The following CCDC191 variants were observed in gnomAD, a reference collection of about 807,000 sequenced individuals.
CCDC191 encodes coiled-coil domain-containing protein 191.
CCDC191 carries 99 observed loss-of-function variants against 114.0 expected under a neutral mutation model. The ratio of observed to expected loss-of-function variants is 0.87; its 90% CI spans 0.74 to 1.03. The LOEUF (loss-of-function observed/expected upper bound fraction) is 1.03. Ranked by LOEUF, CCDC191 falls within the 50% of genes least tolerant of loss-of-function variation. The pLI, the probability that CCDC191 is intolerant of heterozygous loss-of-function variation, is 0.00. For synonymous variants in CCDC191, 351 were observed against 376.0 expected, an observed-to-expected ratio of 0.93 and a Z score of 0.77; for missense variants, 973 against 1,087.0, an observed-to-expected ratio of 0.90 and a Z score of 1.47.
At chr3:114,018,896 C>T in intron 7 of CCDC191, 28 bp from the exon 8 acceptor site, 2 of 1,603,884 alleles carry the variant, frequency 1.2e-6, no homozygotes, top group Non-Finnish European at 1.7e-6. Flanking sequence ...GGAAAATCAC[C>T]ACCCATCAGC....
intron 7 of CCDC191, among the ~76,000 whole-genome samples, chr3:114,026,186 C>T (rs2076318319): frequency 1.3e-5 from 2 of 152,196 alleles, no homozygotes; most frequent in South Asian, 4.1e-4. Flanking sequence ...ATGCAAAACA[C>T]TAGCACAATA....
intron 4 of CCDC191, 96 bp downstream of exon 4, chr3:114,042,607 C>A: frequency 9.6e-6 from 10 of 1,044,250 alleles, no homozygotes; most frequent in South Asian, 4.9e-5. Context: ...ACACAGAAAA[C>A]TTAAATATGT....
intron 2 of CCDC191, among the ~76,000 whole-genome samples, chr3:114,051,657 G>A (rs781198177): frequency 3.9e-5 from 6 of 152,134 alleles, no homozygotes; most frequent in Non-Finnish European, 8.8e-5. Context: ...TCTGAAGAGA[G>A]GCCTTTCTCA....
At chr3:114,011,148 A>G (rs1257532311) in intron 8 of CCDC191, 127 bp from the exon 9 acceptor site, 1 of 1,041,918 alleles carries the variant, frequency 9.6e-7, no homozygotes, top group African/African-American at 1.6e-5. Context: ...TTAACATTTT[A>G]TATTAAGCTA....
intron 11 of CCDC191, chr3:114,004,308 TACTC>T (rs2075906513): frequency 3.0e-6 from 3 of 1,001,386 alleles, no homozygotes; most frequent in Non-Finnish European, 2.4e-6. Flanking sequence ...CCTTGGCAGT[TACTC>T]AGAGTTTTCT....
intron 3 of CCDC191, among the ~76,000 whole-genome samples, chr3:114,043,120 T>C (rs1487505492): frequency 6.6e-6 from 1 of 151,490 alleles, no homozygotes; most frequent in Non-Finnish European, 1.5e-5. Context: ...AATTGGGAGG[T>C]AAAAGAAAGC....
chr3:114,014,909 A>G (rs2076133738), intron 8 of CCDC191, among the ~76,000 whole-genome samples: 2 of 152,180 alleles, frequency 1.3e-5, no homozygotes, highest in South Asian at 4.1e-4. Flanking sequence ...AATAATGTTT[A>G]ATATTTTTGT....
intron 13 of CCDC191, among the ~76,000 whole-genome samples, chr3:113,993,721 C>G (rs1003440150): frequency 2.0e-5 from 3 of 151,678 alleles, no homozygotes; most frequent in African/African-American, 7.3e-5. Context: ...CACGTCTCTA[C>G]TAAAAATACA....
intron 4 of CCDC191, among the ~76,000 whole-genome samples, chr3:114,041,770 C>T (rs16861472): frequency 0.024 from 3,718 of 152,258 alleles, 73 homozygotes; most frequent in African/African-American, 0.06. Context: ...AGCTGCCCCA[C>T]TGTTACCATG....
At chr3:113,970,966 A>G (rs577011250) in intron 16 of CCDC191, among the ~76,000 whole-genome samples, 40 of 152,216 alleles carry the variant, frequency 2.6e-4, no homozygotes, top group African/African-American at 8.7e-4. Flanking sequence ...CCAGTCTATC[A>G]TTGTTGGACA....
chr3:114,042,953 A>G, intron 3 of CCDC191, 107 bp from the exon 4 acceptor site: 2 of 1,064,088 alleles, frequency 1.9e-6, no homozygotes, highest in South Asian at 3.1e-5. Flanking sequence ...TATCGTGTCA[A>G]GTACTGTTCT....
intron 13 of CCDC191, among the ~76,000 whole-genome samples, chr3:113,997,623 C>T (rs1411035839): frequency 6.6e-6 from 1 of 152,088 alleles, no homozygotes; most frequent in South Asian, 2.1e-4. Context: ...ACAATAGGAG[C>T]CAACCTTAAA....
rs555491800 is a variant in CCDC191 at position 114,022,695 on chromosome 3, C to T, written c.973-3827G>A. Among the ~76,000 whole-genome samples the T allele has an allele frequency of 1.6e-4, 24 of 152,222 alleles. No homozygotes were observed. The South Asian group carries it at 5.0e-3, about 32-fold the overall frequency. On this transcript the variant is annotated intron_variant, in intron 7 of 16. Transcript: ENST00000295878. ...TGCTACAAAAGGGAGCAATCCTCAA[C>T]TTCTCTTTTCCTTTGTGGGCTACTG...
intron 13 of CCDC191, among the ~76,000 whole-genome samples, chr3:113,998,933 C>T (rs1241030839): frequency 3.3e-5 from 5 of 152,304 alleles, no homozygotes; most frequent in Middle Eastern, 3.4e-3. Flanking sequence ...CCCATGCTCA[C>T]GGAATTCACT....
chr3:114,023,258 A>G (rs1044497157), intron 7 of CCDC191, among the ~76,000 whole-genome samples: 4 of 152,234 alleles, frequency 2.6e-5, no homozygotes, highest in African/African-American at 9.6e-5. Flanking sequence ...AAGAATCAAT[A>G]TCGTGAAAAT....
At chr3:114,016,029 C>T (rs1176299782) in intron 8 of CCDC191, among the ~76,000 whole-genome samples, 2 of 152,174 alleles carry the variant, frequency 1.3e-5, no homozygotes, top group African/African-American at 4.8e-5. Flanking sequence ...AGAAAAAAGC[C>T]CACAAGTCTG....
At position 113,965,094 on chromosome 3, in the gene CCDC191, T is replaced by G; in HGVS notation, c.*61A>C. 3.1e-5 allele frequency: 30 copies of G among 953,092 alleles called. No individual in the cohort carries two copies. The highest frequency in any genetic ancestry group is 4.2e-5 in the Non-Finnish European group (27 of 636,800). The allele number at this position is 953,092 out of a possible 1,614,324, so 59.0% of individuals were successfully genotyped here. ...GTATGTATGTATGTGTGTGGGTGGG[T>G]GGAGATAACACACATACAGACTAGT... is the stretch of plus-strand genomic sequence containing the variant. On this transcript the variant is annotated 3_prime_UTR_variant, in exon 17 of 17. Transcript: ENST00000295878.
At chr3:114,037,659 G>C (rs112575715) in intron 4 of CCDC191, among the ~76,000 whole-genome samples, 1,957 of 151,938 alleles carry the variant, frequency 0.013, 21 homozygotes, top group Middle Eastern at 0.041. Flanking sequence ...TTGGTTCCAG[G>C]ACCTCCCGAG....
chr3:113,994,727 G>A (rs1257385777), intron 13 of CCDC191, among the ~76,000 whole-genome samples: 4 of 151,986 alleles, frequency 2.6e-5, no homozygotes, highest in East Asian at 1.9e-4. Context: ...GGGACTACAG[G>A]TGCATGTCAC....
Sources: allele counts gnomAD v4.1 joint callset (sites outside exome capture counted in the v4.1 genomes callset), GRCh38; gene constraint gnomAD v4.1.1; transcripts MANE v1.5; gene names NCBI Gene and HGNC (gene_info 2026-07-23, HGNC 2026-07-21).